Variants in ERICH6B observed in about 807,000 individuals in gnomAD.
The protein encoded by ERICH6B is glutamate-rich protein 6B.
A neutral mutation model predicts 80.0 loss-of-function variants in ERICH6B; 69 were observed. That is an observed-to-expected ratio of 0.86 (90% confidence interval 0.71 to 1.05). ERICH6B has a LOEUF of 1.05. Among genes scored for constraint, ERICH6B ranks in the 50% least tolerant of loss-of-function variants. The pLI is 0.00. For synonymous variants in ERICH6B, 283 were observed against 291.9 expected, an observed-to-expected ratio of 0.97 and a Z score of 0.31; for missense variants, 754 against 796.1, an observed-to-expected ratio of 0.95 and a Z score of 0.64.
chr13:45,562,653 C>T (rs1465345390), intron 10 of ERICH6B, among the ~76,000 whole-genome samples: 1 of 152,108 alleles, frequency 6.6e-6, no homozygotes. Flanking sequence ...TACAGGCTTC[C>T]ATGAGAGCTC....
chr13:45,551,377 T>C (rs1266277246), intron 11 of ERICH6B: 1 of 152,228 alleles, frequency 6.6e-6, no homozygotes, highest in African/African-American at 2.4e-5. Context: ...ATTCCTGGAA[T>C]TGAATACTAA....
chr13:45,596,368 C>A lies in ERICH6B; in HGVS notation c.637+1G>T. On this transcript the variant is annotated splice_donor_variant, in intron 3 of 14. Transcript: ENST00000298738. LOFTEE classifies it high-confidence loss of function. ...ATGCTCTCCCTCCTCCAGATACTCA[C>A]CTTTCAGATACTTTTTATACAGATT... 6.5e-7 allele frequency: 1 copy of A among 1,547,562 alleles called. No individual in the cohort carries two copies. The highest frequency in any genetic ancestry group is 1.2e-5 in the South Asian group (1 of 83,298).
intron 7 of ERICH6B, among the ~76,000 whole-genome samples, chr13:45,577,691 G>A (rs1243574887): frequency 6.6e-6 from 1 of 152,046 alleles, no homozygotes; most frequent in African/African-American, 2.4e-5. Context: ...ATGGCTCACT[G>A]TTACAATCCT....
intron 1 of ERICH6B, among the ~76,000 whole-genome samples, chr13:45,613,681 A>G (rs2138044476): frequency 6.6e-6 from 1 of 152,286 alleles, no homozygotes; most frequent in Admixed American, 6.5e-5. Context: ...TCTAGAAAGC[A>G]TCAGTCTGAG....
Position 45,580,631 on chromosome 13 carries a change from T to C in ERICH6B, c.891A>G (p.Gln297=). ...KSLKSKSETE[Q]ETTTKLAPEE... is the part of the protein sequence containing the mutation. ...CCGGAGCCAGCTTCGTGGTGGTTTC[T>C]TGCTCTGTTTCTGATTTCGATTTTA... Residue 297 remains glutamine, a synonymous_variant, in exon 6 of 15, where the codon CAA becomes CAG. Transcript: ENST00000298738. 1 of 1,551,730 alleles carries C rather than the reference T, an allele frequency of 6.4e-7. No homozygotes were observed.
intron 9 of ERICH6B, among the ~76,000 whole-genome samples, chr13:45,565,462 G>A (rs1473009812): frequency 6.6e-6 from 1 of 152,176 alleles, no homozygotes; most frequent in Non-Finnish European, 1.5e-5. Flanking sequence ...CAGGCTGGGT[G>A]TATGTATGAT....
At chr13:45,543,933 G>A (rs1190281906) in intron 14 of ERICH6B, among the ~76,000 whole-genome samples, 1 of 152,182 alleles carries the variant, frequency 6.6e-6, no homozygotes, top group African/African-American at 2.4e-5. Context: ...TGAGTGTCAA[G>A]TGAGATAATG....
intron 14 of ERICH6B, among the ~76,000 whole-genome samples, chr13:45,544,316 C>A (rs746264852): frequency 1.8e-4 from 27 of 152,198 alleles, no homozygotes; most frequent in Non-Finnish European, 3.2e-4. Context: ...GCTAAGTGAT[C>A]CACCTGCTTC....
intron 5 of ERICH6B, among the ~76,000 whole-genome samples, chr13:45,586,549 G>A (rs77245368): frequency 0.03 from 4,602 of 152,182 alleles, 215 homozygotes; most frequent in African/African-American, 0.1. Flanking sequence ...CTGTAGCCAC[G>A]AAAGTTCACT....
intron 8 of ERICH6B, among the ~76,000 whole-genome samples, chr13:45,569,909 T>G (rs1875080558): frequency 6.6e-6 from 1 of 152,184 alleles, no homozygotes; most frequent in Non-Finnish European, 1.5e-5. Context: ...AATTCCTCAT[T>G]GTTGACAATC....
intron 1 of ERICH6B, among the ~76,000 whole-genome samples, chr13:45,612,076 G>C (rs1335448450): frequency 6.6e-6 from 1 of 152,214 alleles, no homozygotes; most frequent in Admixed American, 6.5e-5. Flanking sequence ...ATGGATTGAT[G>C]TTACATTTCA....
At chr13:45,562,222 G>C (rs1432774989) in intron 10 of ERICH6B, among the ~76,000 whole-genome samples, 1 of 152,076 alleles carries the variant, frequency 6.6e-6, no homozygotes, top group Non-Finnish European at 1.5e-5. Flanking sequence ...GGCTAATGTA[G>C]AGATGAGGTT....
chr13:45,562,930 C>G (rs1209780308), intron 10 of ERICH6B, among the ~76,000 whole-genome samples: 2 of 152,118 alleles, frequency 1.3e-5, no homozygotes, highest in African/African-American at 4.8e-5. Flanking sequence ...CAAGGCTCAG[C>G]GAGAAAAAGT....
intron 13 of ERICH6B, among the ~76,000 whole-genome samples, chr13:45,549,153 G>A (rs1043834220): frequency 1.3e-5 from 2 of 152,028 alleles, no homozygotes; most frequent in African/African-American, 4.8e-5. Flanking sequence ...GCTTGGCGGT[G>A]CATGCCTGTA....
intron 7 of ERICH6B, among the ~76,000 whole-genome samples, chr13:45,578,438 C>A (rs1194520322): frequency 6.6e-6 from 1 of 152,224 alleles, no homozygotes; most frequent in African/African-American, 2.4e-5. Flanking sequence ...CTTACTCTTA[C>A]TGTGCTTTAA....
rs770926604 is a variant in ERICH6B, at chr13:45,544,842, T to G, written c.1790A>C (p.Gln597Pro). The change falls in exon 14 of 15, where the codon CAA becomes CCA. Residue 597 changes from glutamine to proline, a missense_variant. Coordinates refer to ENST00000298738, the MANE Select transcript of ERICH6B (RefSeq NM_182542.3). ...GATGATCTTATCCTGGCTCCTTATT[T>G]GTACCTGGATGTACTCATTGATTTT... Reference protein sequence around the residue: ...SLKINEYIQVQIRSQDKIIFC... With the variant: ...SLKINEYIQVPIRSQDKIIFC... 13 of 1,551,730 alleles carry G rather than the reference T, an allele frequency of 8.4e-6. No individual in the cohort carries two copies. Among genetic ancestry groups the G allele is most frequent in the Non-Finnish European group, 1.1e-5 (13 of 1,146,994 alleles).
chr13:45,604,334 A>G (rs943581113), intron 2 of ERICH6B, among the ~76,000 whole-genome samples: 15 of 152,168 alleles, frequency 9.9e-5, no homozygotes, highest in Non-Finnish European at 1.3e-4. Flanking sequence ...CTGTATCCTC[A>G]TCCAAACCAC....
chr13:45,569,711 T>C (rs1875069764), intron 8 of ERICH6B, among the ~76,000 whole-genome samples: 1 of 152,230 alleles, frequency 6.6e-6, no homozygotes, highest in Non-Finnish European at 1.5e-5. Context: ...AAGTTTCACA[T>C]GATCTGGGAC....
chr13:45,563,637 C>T (rs1335895734), intron 10 of ERICH6B, 90 bp downstream of exon 10: 3 of 1,226,596 alleles, frequency 2.4e-6, no homozygotes, highest in African/African-American at 1.5e-5. Flanking sequence ...AGCCCTTCCA[C>T]CTTCTTTACA....
Sources: allele counts gnomAD v4.1 joint callset (sites outside exome capture counted in the v4.1 genomes callset), GRCh38; gene constraint gnomAD v4.1.1; transcripts MANE v1.5; gene names NCBI Gene and HGNC (gene_info 2026-07-23, HGNC 2026-07-21).